AKAP13: variants seen among roughly 807,000 people sequenced by gnomAD.
AKAP13 encodes A-kinase anchor protein 13.
A neutral mutation model predicts 264.5 loss-of-function variants in AKAP13; 80 were observed. That is an observed-to-expected ratio of 0.30 (90% CI 0.25 to 0.36). The LOEUF (loss-of-function observed/expected upper bound fraction) is 0.36. Ranked by LOEUF, AKAP13 falls within the 10% of genes least tolerant of loss-of-function variation. AKAP13 has a pLI of 1.00. For synonymous variants in AKAP13, 1,380 were observed against 1,250.2 expected (o/e 1.10, Z -2.19); for missense variants, 3,712 against 3,435.2 (o/e 1.08, Z -2.01).
At chr15:85,420,299 G>T (rs972691545) in intron 1 of AKAP13, among the ~76,000 whole-genome samples, 2 of 151,822 alleles carry the variant, frequency 1.3e-5, no homozygotes, top group African/African-American at 4.8e-5. Context: ...ATGGCTTCAA[G>T]ACGTAGACTG....
chr15:85,570,205 C>T (rs1224005867), intron 5 of AKAP13, among the ~76,000 whole-genome samples: 1 of 151,930 alleles, frequency 6.6e-6, no homozygotes, highest in Non-Finnish European at 1.5e-5. Flanking sequence ...AATCCCAGCA[C>T]TTTGGGAGGT....
At position 85,380,626 on chromosome 15, in the gene AKAP13, C is replaced by G. The variant is rs978476039; in HGVS notation, c.-184C>G. ...CTGTGTGCAGGGCCAGCGCGGAGCCCGAGCAGCCGCGGTGAAGCGCCTGTG... is the reference window on the plus strand; with the variant it reads ...CTGTGTGCAGGGCCAGCGCGGAGCCGGAGCAGCCGCGGTGAAGCGCCTGTG... On this transcript the variant is annotated 5_prime_UTR_variant, in exon 1 of 37. Coordinates refer to ENST00000394518, the MANE Select transcript of AKAP13 (RefSeq NM_007200.5). 3.9e-5 allele frequency: 6 copies of G among 152,158 alleles called. No homozygotes were observed. In the South Asian group the frequency reaches 1.0e-3, roughly 26 times the overall value. The allele number at this position is 152,158 out of a possible 1,614,324, so 9.4% of individuals were successfully genotyped here.
chr15:85,579,872 G>A lies in AKAP13; in HGVS notation c.1804G>A (p.Glu602Lys), dbSNP rs761987312. The A allele has an allele frequency of 2.6e-5, 42 of 1,614,072 alleles. No individual in the cohort carries two copies. The highest frequency in any genetic ancestry group is 1.6e-4 in the Middle Eastern group (1 of 6,084). ...AAKDKISDGL[E>K]PYTLLAAGIG... ...AAAAGACAAGATTTCAGATGGATTA[G>A]AACCTTATACTCTCTTAGCAGCAGG... The change falls in exon 7 of 37, where the codon GAA (glutamate) becomes AAA (lysine). Residue 602 changes from glutamate to lysine, a missense_variant. This residue lies in a region of AKAP13 where 2,759 missense variants were observed against 2,411.7 expected (regional missense o/e 1.14). Coordinates refer to ENST00000394518, the MANE Select transcript of AKAP13 (RefSeq NM_007200.5).
At chr15:85,448,104 G>A (rs1312769812) in intron 1 of AKAP13, among the ~76,000 whole-genome samples, 1 of 152,000 alleles carries the variant, frequency 6.6e-6, no homozygotes, top group African/African-American at 2.4e-5. Flanking sequence ...GTTTTGATTT[G>A]CATTTCTCTA....
intron 8 of AKAP13, among the ~76,000 whole-genome samples, chr15:85,633,766 G>T (rs1343060679): frequency 6.6e-6 from 1 of 151,478 alleles, no homozygotes; most frequent in Non-Finnish European, 1.5e-5. Flanking sequence ...GGATGGTCTC[G>T]ATCTCCTGAC....
intron 17 of AKAP13, among the ~76,000 whole-genome samples, chr15:85,696,206 C>T (rs1438998914): frequency 6.6e-6 from 1 of 152,158 alleles, no homozygotes; most frequent in African/African-American, 2.4e-5. Context: ...ATTTGTGTAA[C>T]TCTCATCATT....
At position 85,693,317 on chromosome 15, in the gene AKAP13, A is replaced by G. The variant is rs756515334; in HGVS notation, c.5330A>G (p.Lys1777Arg). 2.5e-6 allele frequency: 4 copies of G among 1,607,790 alleles called. No homozygotes were observed. Among genetic ancestry groups the G allele is most frequent in the Non-Finnish European group, 3.4e-6 (4 of 1,178,584 alleles). Reference protein sequence around the residue: ...KEKDKIKEKEKDSKDKEKDKK... With the variant: ...KEKDKIKEKERDSKDKEKDKK... ...AAAGATAAGATTAAGGAGAAGGAGAAAGATTCTAAAGACAAGGAGAAAGAT... is the reference window on the plus strand; with the variant it reads ...AAAGATAAGATTAAGGAGAAGGAGAGAGATTCTAAAGACAAGGAGAAAGAT... The change falls in exon 17 of 37, where the codon AAA becomes AGA. Residue 1777 changes from lysine (K) to arginine (R), a missense_variant. Physicochemically the swap from Lys to Arg is conservative, Grantham distance 26. This residue lies in a region of AKAP13 where 2,759 missense variants were observed against 2,411.7 expected (regional missense o/e 1.14). Transcript: ENST00000394518.
At chr15:85,713,155 T>TA in intron 19 of AKAP13, among the ~76,000 whole-genome samples, 1 of 152,320 alleles carries the variant, frequency 6.6e-6, no homozygotes, top group East Asian at 1.9e-4. Flanking sequence ...TTGAGTCACT[T>TA]ACTTGGGTAG....
At chr15:85,667,587 G>A (rs1171771786) in intron 13 of AKAP13, among the ~76,000 whole-genome samples, 1 of 152,158 alleles carries the variant, frequency 6.6e-6, no homozygotes, top group Non-Finnish European at 1.5e-5. Context: ...TACAAGATGA[G>A]GTAAAATACC....
chr15:85,622,974 A>G (rs745454030), intron 8 of AKAP13, among the ~76,000 whole-genome samples: 11 of 152,214 alleles, frequency 7.2e-5, no homozygotes, highest in Non-Finnish European at 1.2e-4. Flanking sequence ...TAGGATAGGT[A>G]CACCATGTCA....
intron 1 of AKAP13, among the ~76,000 whole-genome samples, chr15:85,457,056 A>G (rs768533595): frequency 1.3e-5 from 2 of 152,184 alleles, no homozygotes; most frequent in Non-Finnish European, 2.9e-5. Flanking sequence ...AGAGGACATG[A>G]TCCCCTTTTT....
chr15:85,608,135 A>C (rs1567152585), intron 8 of AKAP13, among the ~76,000 whole-genome samples: 1 of 92,658 alleles, frequency 1.1e-5, no homozygotes, highest in Non-Finnish European at 2.5e-5. Context: ...TGCTAGAGCT[A>C]TTCTTTTTTT....
At chr15:85,624,765 G>A (rs538643838) in intron 8 of AKAP13, 16 of 152,334 alleles carry the variant, frequency 1.1e-4, no homozygotes, top group African/African-American at 3.6e-4. Flanking sequence ...CAGAAACACT[G>A]CCAGAAACAA....
Position 85,655,445 on chromosome 15 carries a change from T to C in AKAP13, c.4403T>C (p.Ile1468Thr). 3.1e-6 allele frequency: 5 copies of C among 1,614,056 alleles called. No individual in the cohort carries two copies. The highest frequency in any genetic ancestry group is 4.2e-6 in the Non-Finnish European group (5 of 1,179,962). ...KPEEEHLACD[I>T]TGSSSSTDDT... ...GAGGAAGAGCATTTGGCCTGTGATA[T>C]CACCGGATCCAGTTCATCCACCGAT... The change falls in exon 11 of 37, where the codon ATC becomes ACC. Residue 1468 changes from isoleucine (I) to threonine (T), a missense_variant. Ile to Thr is a moderately conservative substitution (Grantham distance 89). This residue lies in a region of AKAP13 where 2,759 missense variants were observed against 2,411.7 expected (regional missense o/e 1.14). Transcript: ENST00000394518.
intron 1 of AKAP13, among the ~76,000 whole-genome samples, chr15:85,396,444 C>T (rs568145076): frequency 6.6e-5 from 10 of 152,274 alleles, no homozygotes; most frequent in African/African-American, 2.4e-4. Context: ...GACTCATATA[C>T]TCATTACCCA....
At chr15:85,655,882 C>T in intron 11 of AKAP13, 95 bp downstream of exon 11, 3 of 1,484,940 alleles carry the variant, frequency 2.0e-6, no homozygotes, top group Non-Finnish European at 2.7e-6. Context: ...ATTTAGGAGA[C>T]CCCATAGTAT....
At chr15:85,655,308 T>A in intron 10 of AKAP13, 109 bp from the exon 11 acceptor site, 1 of 1,394,252 alleles carries the variant, frequency 7.2e-7, no homozygotes, top group Non-Finnish European at 9.6e-7. Context: ...CCAATTATGA[T>A]CTTACCTGCC....
intron 1 of AKAP13, among the ~76,000 whole-genome samples, chr15:85,483,495 G>A (rs974066389): frequency 2.0e-5 from 3 of 149,568 alleles, no homozygotes; most frequent in Non-Finnish European, 2.9e-5. Context: ...TTGCGGTGGC[G>A]GGCGCCTGTA....
chr15:85,591,536 A>C (rs1022232916), intron 8 of AKAP13, among the ~76,000 whole-genome samples: 6 of 152,122 alleles, frequency 3.9e-5, no homozygotes, highest in Non-Finnish European at 7.4e-5. Context: ...TGCAGAAATT[A>C]GGAAGATTTT....
Sources: allele counts gnomAD v4.1 joint callset (sites outside exome capture counted in the v4.1 genomes callset), GRCh38; gene constraint gnomAD v4.1.1; regional missense constraint gnomAD v4.1.1; transcripts MANE v1.5; gene names NCBI Gene and HGNC (gene_info 2026-07-23, HGNC 2026-07-21).